ZMYM6: variants seen among roughly 807,000 people sequenced by gnomAD.
The protein encoded by ZMYM6 is zinc finger MYM-type protein 6.
In ZMYM6, 90 loss-of-function variants were observed where a neutral mutation model predicts 134.0. The ratio of observed to expected loss-of-function variants is 0.67; its 90% CI spans 0.57 to 0.80. The LOEUF is 0.80. ZMYM6 is among the 30% of genes least tolerant of loss of function. ZMYM6 has a pLI of 0.00. For synonymous variants in ZMYM6, 481 were observed against 524.1 expected (o/e 0.92, Z 1.12); for missense variants, 1,362 against 1,533.9 (o/e 0.89, Z 1.87).
Position 35,014,901 on chromosome 1 carries a change from C to T in ZMYM6, c.604-13G>A, listed in dbSNP as rs1367108378. 3 of 1,609,278 alleles carry T rather than the reference C, an allele frequency of 1.9e-6. No individual in the cohort carries two copies. Among genetic ancestry groups the T allele is most frequent in the African/African-American group, 1.3e-5 (1 of 74,550 alleles). Reference sequence around the variant, plus strand: ...CTTCAAATCGAGTCTAGGAAATAAACACACACATACACACACAAAATAAGC... The same window carrying T: ...CTTCAAATCGAGTCTAGGAAATAAATACACACATACACACACAAAATAAGC... On this transcript the variant is annotated splice_polypyrimidine_tract_variant and intron_variant, in intron 5 of 15. Transcript: ENST00000357182.
In ZMYM6 at chr1:34,988,744, T is replaced by C. The variant is rs1557554011; in HGVS notation, c.2338A>G (p.Met780Val). 4 of 1,551,562 alleles carry C rather than the reference T, an allele frequency of 2.6e-6. No homozygotes were observed. Among genetic ancestry groups the C allele is most frequent in the Non-Finnish European group, 3.5e-6 (4 of 1,146,962 alleles). Residue 780 changes from methionine to valine, a missense_variant, in exon 16 of 16, where the codon ATG (methionine) becomes GTG (valine). By Grantham distance (21) the Met-to-Val change is conservative. Around this residue, in one of 3 missense-constraint regions of ZMYM6, gnomAD observed 824 missense variants for 940.9 expected, o/e 0.88. Transcript: ENST00000357182. ...TGATGAGAAAGATTTGCTGGCTTCA[T>C]GTTTTCACTGGATAAGATCTCTCCA... ...ICGEILSSEN[M>V]KPANLSHHLK...
At chr1:35,029,171 A>T (rs1641471298) in intron 2 of ZMYM6, among the ~76,000 whole-genome samples, 1 of 152,182 alleles carries the variant, frequency 6.6e-6, no homozygotes, top group Non-Finnish European at 1.5e-5. Context: ...GCAAAACTCC[A>T]TCTCAAAACA....
chr1:34,995,875 T>C (rs530746871), intron 14 of ZMYM6, among the ~76,000 whole-genome samples: 3 of 152,322 alleles, frequency 2.0e-5, no homozygotes, highest in South Asian at 4.1e-4. Context: ...ATTCAGAACC[T>C]TGCTCTTGTC....
At chr1:35,021,130 T>C (rs1641302166) in intron 2 of ZMYM6, among the ~76,000 whole-genome samples, 1 of 151,134 alleles carries the variant, frequency 6.6e-6, no homozygotes, top group South Asian at 2.1e-4. Context: ...TTTTTTTTTT[T>C]TTTGACATGG....
chr1:35,008,005 C>T lies in ZMYM6; in HGVS notation c.1665+747G>A, dbSNP rs529999813. Among the ~76,000 whole-genome samples the T allele has an allele frequency of 2.0e-5, 3 of 152,142 alleles. No homozygotes were observed. The East Asian group carries it at 5.8e-4, about 29-fold the overall frequency. On this transcript the variant is annotated intron_variant, in intron 11 of 15. Coordinates refer to ENST00000357182, the MANE Select transcript of ZMYM6 (RefSeq NM_007167.4). ...TTCAGCAAATATTTAATTAGACATC[C>T]TTTGTCTTAAGCACTGTGATTGGCC...
intron 13 of ZMYM6, among the ~76,000 whole-genome samples, 167 bp from the exon 14 acceptor site, chr1:35,004,172 C>T (rs999141120): frequency 6.6e-6 from 1 of 152,118 alleles, no homozygotes; most frequent in Non-Finnish European, 1.5e-5. Context: ...TGCTTAATAA[C>T]GGTAAGGATT....
chr1:35,029,014 A>G (rs1050213057), intron 2 of ZMYM6, among the ~76,000 whole-genome samples: 2 of 151,068 alleles, frequency 1.3e-5, no homozygotes, highest in African/African-American at 4.9e-5. Context: ...AACATGGTGA[A>G]ACCCCGTCTC....
intron 1 of ZMYM6, 200 bp downstream of exon 1, chr1:35,031,615 A>G (rs1241833066): frequency 1.3e-5 from 2 of 152,050 alleles, no homozygotes; most frequent in Admixed American, 6.6e-5. Context: ...TCCCACTCCC[A>G]TCATTGAGGA....
chr1:35,019,333 G>A lies in ZMYM6; in HGVS notation c.428+20C>T, dbSNP rs1557583849. The stretch of plus-strand genomic sequence containing the variant: ...ACTAAAAAAAAGGTAAAGTAAAAAG[G>A]GATGTTAAGAATTTTATACTTCGAG... On this transcript the variant is annotated intron_variant, in intron 4 of 15. Transcript: ENST00000357182. 6.2e-7 allele frequency: 1 copy of A among 1,614,158 alleles called. No individual in the cohort carries two copies. The highest frequency in any genetic ancestry group is 8.5e-7 in the Non-Finnish European group (1 of 1,180,008).
rs777011057 is a variant in ZMYM6 at position 35,015,210 on chromosome 1, G to C, written c.429-48C>G. On this transcript the variant is annotated intron_variant, in intron 4 of 15. Coordinates refer to ENST00000357182, the MANE Select transcript of ZMYM6 (RefSeq NM_007167.4). ...AAAATGAAATGTATTCTTCACAACT[G>C]TAACTTCCTCCTCTTTGTGAGGTGA... is the stretch of plus-strand genomic sequence containing the variant. 2.7e-6 allele frequency: 4 copies of C among 1,484,076 alleles called. No homozygotes were observed. In the Admixed American group the frequency reaches 9.5e-5, roughly 35 times the overall value. 91.9% of individuals were successfully genotyped at this position (1,484,076 alleles called of 1,614,324 possible). A position where few individuals can be genotyped will look rare whatever the true frequency, so the allele number is the denominator to read the frequency against.
intron 12 of ZMYM6, 128 bp from the exon 13 acceptor site, chr1:35,005,400 G>A (rs1042474491): frequency 4.0e-6 from 4 of 1,008,088 alleles, no homozygotes; most frequent in Non-Finnish European, 5.7e-6. Context: ...ATCTGATTCT[G>A]TATCATGTTA....
chr1:34,988,444 T>C lies in ZMYM6; in HGVS notation c.2638A>G (p.Asn880Asp), dbSNP rs1440114391. The C allele has an allele frequency of 1.2e-5, 18 of 1,551,358 alleles. No homozygotes were observed. Among genetic ancestry groups the C allele is most frequent in the Non-Finnish European group, 1.5e-5 (17 of 1,146,928 alleles). ...GDKMKTIPLS[N>D]VTIQHRIDEL... is the part of the protein sequence containing the mutation. ...TCAATCCTGTGTTGAATTGTAACAT[T>C]AGAAAGTGGAATAGTTTTCATTTTG... Residue 880 changes from asparagine (N) to aspartate (D), a missense_variant, in exon 16 of 16, where the codon AAT (asparagine) becomes GAT (aspartate). Transcript: ENST00000357182.
intron 2 of ZMYM6, among the ~76,000 whole-genome samples, chr1:35,021,297 C>T (rs1468056027): frequency 6.6e-6 from 1 of 151,740 alleles, no homozygotes; most frequent in African/African-American, 2.4e-5. Context: ...TGCGCTACCA[C>T]ACCCGGCGAA....
Position 34,989,877 on chromosome 1 carries a change from G to T in ZMYM6, c.2147-942C>A, listed in dbSNP as rs185454411. 721 of 151,984 alleles carry T rather than the reference G, an allele frequency of 4.7e-3. 6 individuals are homozygous for T. Among genetic ancestry groups the T allele is most frequent in the Non-Finnish European group, 6.7e-3 (455 of 68,012 alleles). The allele number at this position is 151,984 out of a possible 1,614,324, so 9.4% of individuals were successfully genotyped here. A position where few individuals can be genotyped will look rare whatever the true frequency, so the allele number is the denominator to read the frequency against. On this transcript the variant is annotated intron_variant, in intron 15 of 15. Transcript: ENST00000357182. ...ATCATGTCATTGCACTCCGGCCTGG[G>T]AGACAAGAGTGAAACTCCATCTCAA...
rs1243915393 is a variant in ZMYM6, at chr1:35,011,005, G to C, written c.1094C>G (p.Ser365Cys). The C allele has an allele frequency of 6.2e-7, 1 of 1,613,848 alleles. No individual in the cohort carries two copies. The highest frequency in any genetic ancestry group is 8.5e-7 in the Non-Finnish European group (1 of 1,180,000). The part of the protein sequence containing the change: ...NVFSKPKGTN[S>C]SAVPLSQGQV... ...GCCCTGAGACAGGGGCACCGCCGAA[G>C]AGTTTGTTCCTTTTGGCTTGCTAAA... The change falls in exon 9 of 16, where the codon TCT becomes TGT. Residue 365 changes from serine (S) to cysteine (C), a missense_variant. Transcript: ENST00000357182.
intron 2 of ZMYM6, among the ~76,000 whole-genome samples, chr1:35,021,415 G>C (rs1034398999): frequency 3.3e-5 from 5 of 152,050 alleles, no homozygotes; most frequent in Admixed American, 6.6e-5. Context: ...AAAGTGCTGG[G>C]ATTACAGGTG....
At position 35,006,969 on chromosome 1, in the gene ZMYM6, A is replaced by C; in HGVS notation, c.1795T>G (p.Cys599Gly). ...EFCHQQIMND[C>G]LPQNKVNISK... ...ATTTTACCTTTATTTTGTGGAAGAC[A>C]GTCATTCATAATTTGCTGATGACAA... Residue 599 changes from cysteine (C) to glycine (G), a missense_variant, in exon 12 of 16, where the codon TGT becomes GGT. Physicochemically the swap from Cys to Gly is radical, Grantham distance 159. This residue lies in a region of ZMYM6 where 824 missense variants were observed against 940.9 expected (regional missense o/e 0.88). Coordinates refer to ENST00000357182, the MANE Select transcript of ZMYM6 (RefSeq NM_007167.4). 2 of 1,610,998 alleles carry C rather than the reference A, an allele frequency of 1.2e-6. No individual in the cohort carries two copies. Among genetic ancestry groups the C allele is most frequent in the Non-Finnish European group, 1.7e-6 (2 of 1,179,006 alleles).
Position 34,988,675 on chromosome 1 carries a change from A to T in ZMYM6, c.2407T>A (p.Phe803Ile). ...HSELENKPVDFFEQKSLEMEC... is the reference protein window; with the variant it reads ...HSELENKPVDIFEQKSLEMEC... The stretch of plus-strand genomic sequence containing the variant: ...ATTTCTAAAGATTTTTGTTCAAAAA[A>T]ATCTACTGGTTTGTTTTCTAATTCT... The change falls in exon 16 of 16, where the codon TTT becomes ATT. Residue 803 changes from phenylalanine to isoleucine, a missense_variant. Coordinates refer to ENST00000357182, the MANE Select transcript of ZMYM6 (RefSeq NM_007167.4). 1 of 1,547,618 alleles carries T rather than the reference A, an allele frequency of 6.5e-7. No individual in the cohort carries two copies.
At chr1:34,993,908 A>G (rs1301545123) in intron 14 of ZMYM6, among the ~76,000 whole-genome samples, 1 of 151,808 alleles carries the variant, frequency 6.6e-6, no homozygotes. Flanking sequence ...GATGGTCTCA[A>G]TCTCCTGACC....
Sources: allele counts gnomAD v4.1 joint callset (sites outside exome capture counted in the v4.1 genomes callset), GRCh38; gene constraint gnomAD v4.1.1; regional missense constraint gnomAD v4.1.1; transcripts MANE v1.5; gene names NCBI Gene and HGNC (gene_info 2026-07-23, HGNC 2026-07-21).